PLCXD3: variants seen among roughly 807,000 people sequenced by gnomAD.
PLCXD3 encodes the protein phosphatidylinositol specific phospholipase C X domain containing 3, also known as PI-PLC X domain-containing protein 3.
PLCXD3 carries 19 observed loss-of-function variants against 25.5 expected under a neutral mutation model. The observed-to-expected ratio is 0.75, with a 90% CI of 0.52 to 1.09. PLCXD3 has a LOEUF of 1.09. Among genes scored for constraint, PLCXD3 ranks in the 50% least tolerant of loss-of-function variants. The pLI is 0.00. For missense variants in PLCXD3, 411 were observed against 388.1 expected, an observed-to-expected ratio of 1.06 and a Z score of -0.50; for synonymous variants, 174 against 137.6, an observed-to-expected ratio of 1.26 and a Z score of -1.85.
At chr5:41,345,453 T>A (rs751237930) in intron 2 of PLCXD3, among the ~76,000 whole-genome samples, 6 of 152,144 alleles carry the variant, frequency 3.9e-5, no homozygotes, top group Non-Finnish European at 7.3e-5. Flanking sequence ...TCTAACGTTA[T>A]CTACTCTGAT....
intron 2 of PLCXD3, among the ~76,000 whole-genome samples, chr5:41,334,669 A>G (rs1240123280): frequency 2.0e-5 from 3 of 152,180 alleles, no homozygotes; most frequent in Non-Finnish European, 4.4e-5. Flanking sequence ...TTCCTTTGAT[A>G]ATGGCAACAG....
intron 2 of PLCXD3, among the ~76,000 whole-genome samples, chr5:41,343,839 C>T (rs1476747912): frequency 6.6e-6 from 1 of 152,070 alleles, no homozygotes; most frequent in Admixed American, 6.5e-5. Flanking sequence ...TTGCTATACA[C>T]AAGGCCAACA....
At position 41,310,880 on chromosome 5, in the gene PLCXD3, G is replaced by T. The variant is rs1328674290; in HGVS notation, c.*2737C>A. 2.0e-5 allele frequency: 3 copies of T among 152,526 alleles called. No homozygotes were observed. Among genetic ancestry groups the T allele is most frequent in the Non-Finnish European group, 4.4e-5 (3 of 68,014 alleles). The allele number at this position is 152,526 out of a possible 1,614,324, so 9.4% of individuals were successfully genotyped here. ...CTGCCTTTTGTCTAACAAGGTTTCT[G>T]GGTGCATATCATTAGCAGCAGTACA... On this transcript the variant is annotated 3_prime_UTR_variant, in exon 3 of 3. Coordinates refer to ENST00000377801, the MANE Select transcript of PLCXD3 (RefSeq NM_001005473.3).
At chr5:41,436,206 A>T (rs994357633) in intron 1 of PLCXD3, among the ~76,000 whole-genome samples, 1 of 151,962 alleles carries the variant, frequency 6.6e-6, no homozygotes, top group Non-Finnish European at 1.5e-5. Flanking sequence ...GTCAACCCTT[A>T]AAAGTATCTT....
rs1241208128 is a variant in PLCXD3, at chr5:41,307,354, T to G, written c.*6263A>C. ...AAATGTTTCAAAATTCCATCTGCAT[T>G]CAGTCTCTGTCAAGGATTCACTGTT... is the stretch of plus-strand genomic sequence containing the variant. On this transcript the variant is annotated 3_prime_UTR_variant, in exon 3 of 3. Coordinates refer to ENST00000377801, the MANE Select transcript of PLCXD3 (RefSeq NM_001005473.3). The G allele has an allele frequency of 6.6e-6, 1 of 152,618 alleles. No individual in the cohort carries two copies. Among genetic ancestry groups the G allele is most frequent in the Middle Eastern group, 3.2e-3 (1 of 316 alleles). 9.5% of individuals were successfully genotyped at this position (152,618 alleles called of 1,614,324 possible).
At chr5:41,319,662 A>G (rs1003325117) in intron 2 of PLCXD3, among the ~76,000 whole-genome samples, 1 of 152,186 alleles carries the variant, frequency 6.6e-6, no homozygotes, top group Non-Finnish European at 1.5e-5. Flanking sequence ...CAAAAGAGAA[A>G]AAACTTCAAA....
At position 41,312,062 on chromosome 5, in the gene PLCXD3, A is replaced by C. The variant is rs11737958; in HGVS notation, c.*1555T>G. 12,377 of 152,534 alleles carry C rather than the reference A, an allele frequency of 0.081. 771 individuals are homozygous for C. The highest frequency in any genetic ancestry group is 0.35 in the East Asian group (1,829 of 5,170). The allele number at this position is 152,534 out of a possible 1,614,324, so 9.4% of individuals were successfully genotyped here. A position where few individuals can be genotyped will look rare whatever the true frequency, so the allele number is the denominator to read the frequency against. ...TAAACACCTCACAATATTCCTGTGA[A>C]GTACATAGGCAAGGATTATTGTGCT... On this transcript the variant is annotated 3_prime_UTR_variant, in exon 3 of 3. Transcript: ENST00000377801.
At chr5:41,497,900 A>G (rs1460223137) in intron 1 of PLCXD3, among the ~76,000 whole-genome samples, 1 of 151,848 alleles carries the variant, frequency 6.6e-6, no homozygotes, top group East Asian at 1.9e-4. Context: ...AAAGCTGGAA[A>G]ACTCACAAAT....
At chr5:41,439,262 T>C (rs1346924761) in intron 1 of PLCXD3, among the ~76,000 whole-genome samples, 4 of 152,230 alleles carry the variant, frequency 2.6e-5, no homozygotes, top group Admixed American at 2.6e-4. Flanking sequence ...TTACTCTCTG[T>C]GGCAAAGCCT....
rs180719913 is a variant in PLCXD3, at chr5:41,392,882, A to G, written c.104-10348T>C. Among the ~76,000 whole-genome samples, 16 of 152,308 alleles carry G rather than the reference A, an allele frequency of 1.1e-4. No individual in the cohort carries two copies. In the East Asian group the frequency reaches 1.4e-3, roughly 13 times the overall value. ...AAAGACATTGAAATAATTAAAAAGA[A>G]TCCAGCTGAAATTCTGAAGCTGAAA... On this transcript the variant is annotated intron_variant, in intron 1 of 2. Coordinates refer to ENST00000377801, the MANE Select transcript of PLCXD3 (RefSeq NM_001005473.3).
intron 1 of PLCXD3, among the ~76,000 whole-genome samples, chr5:41,471,205 CA>C (rs1748149824): frequency 6.6e-6 from 1 of 152,098 alleles, no homozygotes; most frequent in Non-Finnish European, 1.5e-5. Flanking sequence ...TCATAAGAAC[CA>C]AAAATCAGGT....
chr5:41,440,215 ATTTTTTTTTTTTTTTTTTT>A lies in PLCXD3; in HGVS notation c.104-57700_104-57682del, dbSNP rs70988846. On this transcript the variant is annotated intron_variant, in intron 1 of 2. Transcript: ENST00000377801. ...TCTGAGCAAATTACATAATCTCTCA[ATTTTTTTTTTTTTTTTTTT>A]TTTTTTTTTTTTTTTTTAGTCAGAG... is the stretch of plus-strand genomic sequence containing the variant. Among the ~76,000 whole-genome samples, 9 of 41,062 alleles carry A rather than the reference ATTTTTTTTTTTTTTTTTTT, an allele frequency of 2.2e-4. No homozygotes were observed. In the Admixed American group the frequency reaches 3.0e-3, roughly 14 times the overall value. 26.9% of individuals were successfully genotyped at this position (41,062 alleles called of 152,430 possible).
intron 2 of PLCXD3, among the ~76,000 whole-genome samples, chr5:41,320,973 C>A (rs1044155513): frequency 1.3e-5 from 2 of 152,110 alleles, no homozygotes; most frequent in African/African-American, 4.8e-5. Context: ...CCATATACAA[C>A]AGACCCACAG....
intron 2 of PLCXD3, among the ~76,000 whole-genome samples, chr5:41,334,160 A>G (rs1208404236): frequency 1.3e-5 from 2 of 152,156 alleles, no homozygotes; most frequent in African/African-American, 4.8e-5. Flanking sequence ...GGTCCTGACT[A>G]GAGTAGAGTA....
chr5:41,407,737 C>T (rs1005876744), intron 1 of PLCXD3, among the ~76,000 whole-genome samples: 1 of 152,144 alleles, frequency 6.6e-6, no homozygotes, highest in Non-Finnish European at 1.5e-5. Flanking sequence ...ATAGGAAATA[C>T]ATTTTTTAAT....
intron 1 of PLCXD3, among the ~76,000 whole-genome samples, chr5:41,493,590 G>C (rs1580401725): frequency 6.6e-6 from 1 of 152,332 alleles, no homozygotes; most frequent in East Asian, 1.9e-4. Context: ...GCTCCACCCA[G>C]TTCGAGCTTT....
chr5:41,463,321 G>T (rs1747937116), intron 1 of PLCXD3, among the ~76,000 whole-genome samples: 1 of 151,922 alleles, frequency 6.6e-6, no homozygotes, highest in Admixed American at 6.6e-5. Context: ...CGTATTCTGG[G>T]TTACACATGA....
At chr5:41,349,860 A>C (rs138077913) in intron 2 of PLCXD3, among the ~76,000 whole-genome samples, 117 of 152,092 alleles carry the variant, frequency 7.7e-4, no homozygotes, top group Non-Finnish European at 1.1e-3. Context: ...TTACTTCCCT[A>C]ACTGCTGTAC....
chr5:41,461,452 T>C (rs1355549484), intron 1 of PLCXD3, among the ~76,000 whole-genome samples: 1 of 151,974 alleles, frequency 6.6e-6, no homozygotes, highest in Non-Finnish European at 1.5e-5. Flanking sequence ...CTGTTTCATG[T>C]ACACTTGGAA....
Sources: allele counts gnomAD v4.1 joint callset (sites outside exome capture counted in the v4.1 genomes callset), GRCh38; gene constraint gnomAD v4.1.1; transcripts MANE v1.5; gene names NCBI Gene and HGNC (gene_info 2026-07-23, HGNC 2026-07-21).